The following DIP2A variants were observed in gnomAD, a reference collection of about 807,000 sequenced individuals.
DIP2A encodes DIP2 acetate--CoA ligase A.
A neutral mutation model predicts 177.4 loss-of-function variants in DIP2A; 85 were observed. The observed-to-expected ratio is 0.48, with a 90% CI of 0.40 to 0.57. The LOEUF is 0.57. DIP2A is among the 20% of genes least tolerant of loss of function. The probability of loss-of-function intolerance (pLI) is 0.00; values close to 1 mark genes in which losing one functional copy is unlikely to be tolerated. For synonymous variants in DIP2A, 886 were observed against 881.8 expected, an observed-to-expected ratio of 1.00 and a Z score of -0.08; for missense variants, 1,791 against 2,100.2, an observed-to-expected ratio of 0.85 and a Z score of 2.88.
intron 10 of DIP2A, among the ~76,000 whole-genome samples, chr21:46,532,961 A>G (rs966466161): frequency 1.3e-5 from 2 of 152,256 alleles, no homozygotes; most frequent in Non-Finnish European, 2.9e-5. Flanking sequence ...TTTGCAAATC[A>G]AACTAGTGTA....
rs2060290076 is a variant in DIP2A, at chr21:46,551,967, G to C, written c.3030+63G>C. 2.0e-6 allele frequency: 3 copies of C among 1,512,150 alleles called. No homozygotes were observed. The Admixed American group carries it at 5.9e-5, about 29-fold the overall frequency. 93.7% of individuals were successfully genotyped at this position (1,512,150 alleles called of 1,614,324 possible). Reference sequence around the variant, plus strand: ...TGTGGGCCGGTGGAGCCCTTTGCTTGTCTAGTTCATGGTGCCAGTGTCCTG... The same window carrying C: ...TGTGGGCCGGTGGAGCCCTTTGCTTCTCTAGTTCATGGTGCCAGTGTCCTG... On this transcript the variant is annotated intron_variant, in intron 25 of 37. Transcript: ENST00000417564.
chr21:46,490,790 TC>T, intron 3 of DIP2A, 71 bp downstream of exon 3: 1 of 1,461,584 alleles, frequency 6.8e-7, no homozygotes, highest in Non-Finnish European at 9.1e-7. Context: ...CATGAAGTCT[TC>T]CAGTTATTTT....
intron 7 of DIP2A, among the ~76,000 whole-genome samples, chr21:46,510,215 C>T (rs1049321718): frequency 6.6e-6 from 1 of 152,170 alleles, no homozygotes; most frequent in Non-Finnish European, 1.5e-5. Flanking sequence ...GCATCCAGCA[C>T]AGGAGAAAGG....
intron 6 of DIP2A, among the ~76,000 whole-genome samples, chr21:46,506,411 C>A (rs2057985172): frequency 6.6e-6 from 1 of 152,176 alleles, no homozygotes; most frequent in South Asian, 2.1e-4. Context: ...AGCCACCATA[C>A]CCAGCCTATT....
intron 33 of DIP2A, 83 bp downstream of exon 33, chr21:46,560,866 C>T (rs532417043): frequency 3.9e-5 from 59 of 1,530,948 alleles, no homozygotes; most frequent in Admixed American, 3.6e-4. Flanking sequence ...TATGCACCCC[C>T]GGGACCCAGG....
chr21:46,549,143 T>C (rs111836812), intron 21 of DIP2A, among the ~76,000 whole-genome samples: 2,730 of 152,098 alleles, frequency 0.018, 89 homozygotes, highest in African/African-American at 0.062. Flanking sequence ...TGTGTGTGTG[T>C]ACACACACAC....
chr21:46,476,549 T>G (rs186784672), intron 1 of DIP2A, among the ~76,000 whole-genome samples: 1 of 151,806 alleles, frequency 6.6e-6, no homozygotes, highest in Non-Finnish European at 1.5e-5. Context: ...GACAGGGTAG[T>G]AAGTGTAGGA....
rs777245532 is a variant in DIP2A at position 46,498,642 on chromosome 21, C to T, written c.464C>T (p.Thr155Ile). 5.0e-6 allele frequency: 8 copies of T among 1,613,738 alleles called. No individual in the cohort carries two copies. Among genetic ancestry groups the T allele is most frequent in the Non-Finnish European group, 5.9e-6 (7 of 1,179,868 alleles). ...SLRRPGRLTS[T>I]PLQSHSSVEP... is the part of the protein sequence containing the mutation. The stretch of plus-strand genomic sequence containing the variant: ...CGGCGACCCGGGCGACTCACCTCCA[C>T]TCCGCTCCAGAGCCATTCCAGCGTC... Residue 155 changes from threonine (T) to isoleucine (I), a missense_variant, in exon 5 of 38, where the codon ACT (threonine) becomes ATT (isoleucine). By Grantham distance (89) the Thr-to-Ile change is moderately conservative. Transcript: ENST00000417564. This position sits in a 1 kb window ranked among gnomAD's most constrained non-coding sequence, Gnocchi z 4.3.
At chr21:46,515,359 A>G (rs67285811) in intron 8 of DIP2A, among the ~76,000 whole-genome samples, 24,330 of 151,960 alleles carry the variant, frequency 0.16, 2,207 homozygotes, top group African/African-American at 0.21. Flanking sequence ...GTCTTTTCCT[A>G]TCACAGATTT....
rs1422845611 is a variant in DIP2A, at chr21:46,557,885, C to G, written c.3798+132C>G. On this transcript the variant is annotated intron_variant, in intron 31 of 37. Coordinates refer to ENST00000417564, the MANE Select transcript of DIP2A (RefSeq NM_015151.4). The surrounding 1 kb of genome is among the most constrained non-coding windows in gnomAD (Gnocchi z 6.0). ...AGGAAGTAGAGAAAACCCTTTCCCA[C>G]TAGGGGCCCTATGTACACATCTGTC... 9.6e-6 allele frequency: 11 copies of G among 1,140,946 alleles called. No homozygotes were observed. In the East Asian group the frequency reaches 2.6e-4, roughly 27 times the overall value. 70.7% of individuals were successfully genotyped at this position (1,140,946 alleles called of 1,614,324 possible).
At chr21:46,573,645 CAAAA>C (rs201994694), downstream of DIP2A, among the ~76,000 whole-genome samples, 38 of 52,934 alleles carry the variant, frequency 7.2e-4, no homozygotes, top group South Asian at 1.5e-3. Context: ...CCCTCTCTCA[CAAAA>C]AAAAAAAAAA....
intron 31 of DIP2A, 49 bp from the exon 32 acceptor site, chr21:46,558,174 G>C: frequency 1.9e-6 from 3 of 1,555,612 alleles, no homozygotes; most frequent in Non-Finnish European, 2.6e-6. Context: ...CAGGGCCCTG[G>C]CAACTCACTG....
At chr21:46,576,452 TC>T in the DIP2A span, among the ~76,000 whole-genome samples, 1 of 152,192 alleles carries the variant, frequency 6.6e-6, no homozygotes, top group African/African-American at 2.4e-5. Context: ...GAGAACACAA[TC>T]TAATTCCTTT....
chr21:46,549,292 A>G (rs1045422495), intron 21 of DIP2A, among the ~76,000 whole-genome samples: 86 of 152,256 alleles, frequency 5.6e-4, no homozygotes, highest in African/African-American at 2.0e-3. Flanking sequence ...ATATCAACTC[A>G]AAGTCTAAAA....
intron 32 of DIP2A, chr21:46,558,967 C>A: frequency 6.4e-6 from 1 of 157,242 alleles, no homozygotes; most frequent in South Asian, 1.9e-4. Flanking sequence ...GCTGGTGGTG[C>A]GCGCCTGTTG....
intron 1 of DIP2A, among the ~76,000 whole-genome samples, chr21:46,477,336 G>A (rs1034957295): frequency 1.3e-5 from 2 of 151,816 alleles, no homozygotes; most frequent in African/African-American, 4.8e-5. Flanking sequence ...AGACCAGCCT[G>A]GTCAACATGG....
At chr21:46,532,766 T>C (rs1342519883) in intron 10 of DIP2A, among the ~76,000 whole-genome samples, 1 of 152,202 alleles carries the variant, frequency 6.6e-6, no homozygotes, top group Non-Finnish European at 1.5e-5. Flanking sequence ...AAATTATTAA[T>C]GTGGGGTCTT....
chr21:46,583,859 G>A, the DIP2A span, among the ~76,000 whole-genome samples: 1 of 152,084 alleles, frequency 6.6e-6, no homozygotes, highest in African/African-American at 2.4e-5. Context: ...ATAAATTTCT[G>A]TTCATTATTA....
Position 46,484,825 on chromosome 21 carries a change from C to A in DIP2A, c.160C>A (p.Gln54Lys). The A allele has an allele frequency of 1.9e-6, 3 of 1,579,062 alleles. No individual in the cohort carries two copies. The highest frequency in any genetic ancestry group is 2.3e-5 in the East Asian group (1 of 43,780). Residue 54 changes from glutamine to lysine, a missense_variant, in exon 2 of 38, where the codon CAA becomes AAA. By Grantham distance (53) the Gln-to-Lys change is moderately conservative. Transcript: ENST00000417564. ...GCTTGCACGTTATATACCGCTTATT[C>A]AAGGTAAGGTCAATACACTCAGGTG... is the stretch of plus-strand genomic sequence containing the variant. ...KLLARYIPLIQGIDPSLQAEN... is the reference protein window; with the variant it reads ...KLLARYIPLIKGIDPSLQAEN...
Sources: allele counts gnomAD v4.1 joint callset (sites outside exome capture counted in the v4.1 genomes callset), GRCh38; gene constraint gnomAD v4.1.1; non-coding constraint Gnocchi (gnomAD v3.1); transcripts MANE v1.5; gene names NCBI Gene and HGNC (gene_info 2026-07-23, HGNC 2026-07-21).